PSEN1: variants seen among roughly 807,000 people sequenced by gnomAD.
PSEN1 encodes presenilin 1.
PSEN1 carries 15 observed loss-of-function variants against 53.5 expected under a neutral mutation model. That is an observed-to-expected ratio of 0.28 (90% CI 0.19 to 0.43). The LOEUF is 0.43. Among genes scored for constraint, PSEN1 ranks in the 20% least tolerant of loss-of-function variants. PSEN1 has a pLI of 1.00. For missense variants in PSEN1, 387 were observed against 571.2 expected, an observed-to-expected ratio of 0.68 and a Z score of 3.29; for synonymous variants, 208 against 209.8, an observed-to-expected ratio of 0.99 and a Z score of 0.08.
intron 5 of PSEN1, among the ~76,000 whole-genome samples, chr14:73,181,757 G>A (rs1440616231): frequency 1.3e-5 from 2 of 152,124 alleles, no homozygotes; most frequent in Admixed American, 6.6e-5. Flanking sequence ...ATGTCTGAAA[G>A]GGAAACGGTT....
intron 3 of PSEN1, among the ~76,000 whole-genome samples, chr14:73,166,234 T>C (rs185722644): frequency 2.6e-5 from 4 of 152,290 alleles, no homozygotes; most frequent in Non-Finnish European, 4.4e-5. Context: ...GATCATCCAG[T>C]TGGGGACTCT....
intron 6 of PSEN1, among the ~76,000 whole-genome samples, chr14:73,189,071 G>A (rs953499875): frequency 3.9e-5 from 6 of 152,094 alleles, no homozygotes; most frequent in African/African-American, 1.2e-4. Context: ...GATTACAGGC[G>A]TGAGCCACTG....
At chr14:73,195,737 A>G (rs1242179107) in intron 7 of PSEN1, among the ~76,000 whole-genome samples, 4 of 152,134 alleles carry the variant, frequency 2.6e-5, no homozygotes, top group Non-Finnish European at 5.9e-5. Flanking sequence ...GACTACAGGC[A>G]CAGGTTGGTG....
At chr14:73,176,386 C>T (rs1306305624) in intron 5 of PSEN1, among the ~76,000 whole-genome samples, 2 of 152,150 alleles carry the variant, frequency 1.3e-5, no homozygotes. Context: ...TCCCATTATA[C>T]TTTTGTTCTT....
At chr14:73,210,323 A>T (rs1899627199) in intron 9 of PSEN1, among the ~76,000 whole-genome samples, 1 of 152,242 alleles carries the variant, frequency 6.6e-6, no homozygotes, top group Admixed American at 6.5e-5. Context: ...AAAGTAGTTT[A>T]GTTGTGAATA....
At chr14:73,184,929 G>C (rs563262762) in intron 5 of PSEN1, among the ~76,000 whole-genome samples, 7,998 of 146,212 alleles carry the variant, frequency 0.055, 257 homozygotes, top group Non-Finnish European at 0.086. Flanking sequence ...TCCCAGACGG[G>C]GTCGCGGCCG....
chr14:73,205,449 A>G (rs964589836), intron 8 of PSEN1, among the ~76,000 whole-genome samples: 3 of 148,712 alleles, frequency 2.0e-5, no homozygotes, highest in Non-Finnish European at 4.4e-5. Flanking sequence ...ACTGTACTCC[A>G]GCCTGGGTGA....
At chr14:73,192,569 C>A in intron 6 of PSEN1, 75 bp from the exon 7 acceptor site, 1 of 1,010,768 alleles carries the variant, frequency 9.9e-7, no homozygotes, top group Non-Finnish European at 1.6e-6. Context: ...TGTTTGGGAG[C>A]CATCACATTA....
In PSEN1 at chr14:73,186,764, G is replaced by A. The variant is rs968331966; in HGVS notation, c.481-89G>A. On this transcript the variant is annotated intron_variant, in intron 5 of 11. Coordinates refer to ENST00000324501, the MANE Select transcript of PSEN1 (RefSeq NM_000021.4). ...TGCACTCCAGTCTGGGCGACAAAGTGAGACCCTGTCTCAAAAAAGAAAAAA... is the reference window on the plus strand; with the variant it reads ...TGCACTCCAGTCTGGGCGACAAAGTAAGACCCTGTCTCAAAAAAGAAAAAA... 5 of 1,083,894 alleles carry A rather than the reference G, an allele frequency of 4.6e-6. No homozygotes were observed. The African/African-American group carries it at 4.7e-5, about 10-fold the overall frequency. The allele number at this position is 1,083,894 out of a possible 1,614,324, so 67.1% of individuals were successfully genotyped here.
At chr14:73,164,490 C>T (rs998999876) in intron 3 of PSEN1, among the ~76,000 whole-genome samples, 1 of 152,196 alleles carries the variant, frequency 6.6e-6, no homozygotes, top group Non-Finnish European at 1.5e-5. Flanking sequence ...ATGTGCCAGA[C>T]ACCGTGAGAT....
At chr14:73,171,762 T>C (rs1239341315) in intron 4 of PSEN1, among the ~76,000 whole-genome samples, 1 of 152,182 alleles carries the variant, frequency 6.6e-6, no homozygotes, top group Non-Finnish European at 1.5e-5. Flanking sequence ...GGAAAAACAT[T>C]GCTTTACGAG....
chr14:73,194,561 A>G (rs1898860917), intron 7 of PSEN1, among the ~76,000 whole-genome samples: 1 of 140,230 alleles, frequency 7.1e-6, no homozygotes, highest in Non-Finnish European at 1.5e-5. Flanking sequence ...ATGCCTGGCC[A>G]TACACTTTTT....
chr14:73,143,572 A>G (rs1384284820), intron 1 of PSEN1, among the ~76,000 whole-genome samples: 1 of 152,192 alleles, frequency 6.6e-6, no homozygotes, highest in Non-Finnish European at 1.5e-5. Context: ...AGTATTGGAA[A>G]ATGCTAAAGT....
At chr14:73,138,933 C>T (rs1351485674) in intron 1 of PSEN1, among the ~76,000 whole-genome samples, 4 of 149,408 alleles carry the variant, frequency 2.7e-5, no homozygotes, top group Non-Finnish European at 5.9e-5. Context: ...CGCCACTGCA[C>T]TCCAGCCTGG....
rs536241716 is a variant in PSEN1, at chr14:73,174,525, C to T, written c.480+818C>T. 2.1e-4 allele frequency among the ~76,000 whole-genome samples: 32 copies of T among 152,316 alleles called. No individual in the cohort carries two copies. In the South Asian group the frequency reaches 6.0e-3, roughly 29 times the overall value. The stretch of plus-strand genomic sequence containing the variant: ...CTGGGATTACAGGCATGAGCCACTG[C>T]GCCCGGCCCTAAGTGGTTTTAATAT... On this transcript the variant is annotated intron_variant, in intron 5 of 11. Transcript: ENST00000324501.
chr14:73,215,356 G>T (rs941303201), intron 10 of PSEN1, among the ~76,000 whole-genome samples: 1 of 151,890 alleles, frequency 6.6e-6, no homozygotes, highest in Non-Finnish European at 1.5e-5. Flanking sequence ...GACCAAGGTT[G>T]GTGGATCACC....
At chr14:73,197,927 A>G in intron 7 of PSEN1, 104 bp from the exon 8 acceptor site, 1 of 710,596 alleles carries the variant, frequency 1.4e-6, no homozygotes, top group East Asian at 2.7e-5. Context: ...AAAAAGAGAC[A>G]AAAAACATTA....
chr14:73,211,632 G>T, intron 9 of PSEN1, 137 bp from the exon 10 acceptor site: 1 of 824,928 alleles, frequency 1.2e-6, no homozygotes, highest in Non-Finnish European at 1.9e-6. Context: ...CTACCAGCAG[G>T]CACTGCTACA....
intron 5 of PSEN1, among the ~76,000 whole-genome samples, chr14:73,181,515 T>C (rs749666911): frequency 1.3e-5 from 2 of 152,172 alleles, no homozygotes; most frequent in African/African-American, 4.8e-5. Flanking sequence ...ACCCAGTTAC[T>C]TGGGACCCTG....
Sources: gnomAD v4.1 joint callset for allele counts (sites outside exome capture counted in the v4.1 genomes callset) on GRCh38, gnomAD v4.1.1 for gene constraint, MANE v1.5 for transcripts, NCBI Gene and HGNC (gene_info 2026-07-23, HGNC 2026-07-21) for gene names.